BCL2: variants seen among roughly 807,000 people sequenced by gnomAD.
BCL2 encodes the protein BCL2 apoptosis regulator.
In BCL2, 1 loss-of-function variant was observed where a neutral mutation model predicts 14.2. That is an observed-to-expected ratio of 0.07 (90% CI 0.02 to 0.33). BCL2 has a LOEUF of 0.33. Among genes scored for constraint, BCL2 ranks in the 10% least tolerant of loss-of-function variants. The probability of loss-of-function intolerance (pLI) is 0.99; values close to 1 mark genes in which losing one functional copy is unlikely to be tolerated. For synonymous variants in BCL2, 151 were observed against 137.2 expected (o/e 1.10, Z -0.70); for missense variants, 247 against 305.9 (o/e 0.81, Z 1.44).
At chr18:63,216,856 T>C (rs1292417369) in intron 2 of BCL2, among the ~76,000 whole-genome samples, 1 of 152,200 alleles carries the variant, frequency 6.6e-6, no homozygotes, top group Non-Finnish European at 1.5e-5. Flanking sequence ...CTACGATCCA[T>C]GTTAGGATAA....
intron 2 of BCL2, among the ~76,000 whole-genome samples, chr18:63,289,280 A>T (rs974002908): frequency 6.6e-6 from 1 of 152,228 alleles, no homozygotes; most frequent in Middle Eastern, 3.2e-3. Flanking sequence ...GCACAAAAAA[A>T]AAGAAAAAGG....
intron 2 of BCL2, among the ~76,000 whole-genome samples, chr18:63,156,649 T>A (rs1180495960): frequency 6.6e-6 from 1 of 152,192 alleles, no homozygotes; most frequent in Non-Finnish European, 1.5e-5. Flanking sequence ...GATGTTTACG[T>A]AAACAGAAAC....
chr18:63,169,307 T>TCTTCCTTC (rs1555697336), intron 2 of BCL2, among the ~76,000 whole-genome samples: 14 of 73,994 alleles, frequency 1.9e-4, no homozygotes, highest in African/African-American at 3.8e-4. Flanking sequence ...TTTCTTTCTT[T>TCTTCCTTC]CTTCCTTCCT....
chr18:63,259,657 C>T (rs1044191289), intron 2 of BCL2, among the ~76,000 whole-genome samples: 1 of 152,206 alleles, frequency 6.6e-6, no homozygotes, highest in African/African-American at 2.4e-5. Flanking sequence ...TACCCACCTA[C>T]GTGGTTATCA....
At chr18:63,160,557 G>T (rs1277781459) in intron 2 of BCL2, among the ~76,000 whole-genome samples, 1 of 152,134 alleles carries the variant, frequency 6.6e-6, no homozygotes, top group Non-Finnish European at 1.5e-5. Context: ...TTTCAACACC[G>T]AGAGGAGTTC....
At chr18:63,235,837 T>C (rs181075642) in intron 2 of BCL2, among the ~76,000 whole-genome samples, 1 of 151,774 alleles carries the variant, frequency 6.6e-6, no homozygotes, top group Admixed American at 6.6e-5. Context: ...TCACCATGCA[T>C]GGTTTTATCT....
At chr18:63,179,206 C>T (rs930852019) in intron 2 of BCL2, among the ~76,000 whole-genome samples, 2 of 152,152 alleles carry the variant, frequency 1.3e-5, no homozygotes, top group Admixed American at 6.5e-5. Flanking sequence ...GGTCCACCCA[C>T]CCCTGAACAT....
At chr18:63,190,400 T>G (rs1446254499) in intron 2 of BCL2, among the ~76,000 whole-genome samples, 1 of 152,214 alleles carries the variant, frequency 6.6e-6, no homozygotes, top group South Asian at 2.1e-4. Context: ...AAGGTCAGGT[T>G]TTTGAAACTT....
rs568015090 is a variant in BCL2 at position 63,170,663 on chromosome 18, C to T, written c.586-41904G>A. On this transcript the variant is annotated intron_variant, in intron 2 of 2. Transcript: ENST00000333681. Reference sequence around the variant, plus strand: ...TTTCATTATCCTTCTGCAAATTTTCCTTGTGTCTGCCCTTTATATGTGCTC... The same window carrying T: ...TTTCATTATCCTTCTGCAAATTTTCTTTGTGTCTGCCCTTTATATGTGCTC... Among the ~76,000 whole-genome samples, 6 of 152,316 alleles carry T rather than the reference C, an allele frequency of 3.9e-5. No individual in the cohort carries two copies. In the East Asian group the frequency reaches 9.6e-4, roughly 24 times the overall value.
chr18:63,240,856 A>T (rs1910980958), intron 2 of BCL2, among the ~76,000 whole-genome samples: 1 of 152,266 alleles, frequency 6.6e-6, no homozygotes, highest in Non-Finnish European at 1.5e-5. Context: ...CTTGGAAATT[A>T]GAGACTGATG....
At chr18:63,194,281 C>A (rs1206058957) in intron 2 of BCL2, among the ~76,000 whole-genome samples, 2 of 151,832 alleles carry the variant, frequency 1.3e-5, no homozygotes, top group Non-Finnish European at 2.9e-5. Flanking sequence ...AGTCAAATAT[C>A]TTAGCAGAAT....
chr18:63,249,912 G>A (rs1911260228), intron 2 of BCL2, among the ~76,000 whole-genome samples: 1 of 152,046 alleles, frequency 6.6e-6, no homozygotes. Context: ...CAGTGTGGAA[G>A]GAAAGGGAAG....
intron 2 of BCL2, chr18:63,315,784 T>G (rs1270748623): frequency 6.6e-6 from 1 of 152,246 alleles, no homozygotes; most frequent in Non-Finnish European, 1.5e-5. Context: ...ACATTTGAAA[T>G]GATAGGCAAA....
intron 2 of BCL2, among the ~76,000 whole-genome samples, chr18:63,289,446 A>C (rs1363684827): frequency 6.6e-6 from 1 of 152,208 alleles, no homozygotes; most frequent in African/African-American, 2.4e-5. Context: ...AAAGATCCCC[A>C]GAACAGAGAA....
At chr18:63,235,825 T>C (rs1343687253) in intron 2 of BCL2, among the ~76,000 whole-genome samples, 1 of 151,624 alleles carries the variant, frequency 6.6e-6, no homozygotes, top group Non-Finnish European at 1.5e-5. Flanking sequence ...CAATGCTCAT[T>C]ATCACCATGC....
chr18:63,215,509 T>C (rs977098765), intron 2 of BCL2, among the ~76,000 whole-genome samples: 2 of 152,118 alleles, frequency 1.3e-5, no homozygotes, highest in Non-Finnish European at 2.9e-5. Flanking sequence ...CTGATTTGTA[T>C]AAAAAACAAT....
At chr18:63,283,303 G>A (rs758227820) in intron 2 of BCL2, among the ~76,000 whole-genome samples, 36 of 152,028 alleles carry the variant, frequency 2.4e-4, no homozygotes, top group Admixed American at 1.4e-3. Context: ...CACCTCTACG[G>A]GTCTTTGGTT....
At chr18:63,191,135 C>T (rs760294800) in intron 2 of BCL2, among the ~76,000 whole-genome samples, 10 of 152,136 alleles carry the variant, frequency 6.6e-5, no homozygotes, top group African/African-American at 2.2e-4. Flanking sequence ...CATGTCTTTG[C>T]GATTGTGAAT....
intron 2 of BCL2, among the ~76,000 whole-genome samples, chr18:63,168,948 C>T (rs561916300): frequency 7.8e-4 from 119 of 152,352 alleles, no homozygotes; most frequent in Non-Finnish European, 1.3e-3. Flanking sequence ...GCTCAGCGGT[C>T]ATCTGTCTTT....
Sources: gnomAD v4.1 joint callset for allele counts (sites outside exome capture counted in the v4.1 genomes callset) on GRCh38, gnomAD v4.1.1 for gene constraint, MANE v1.5 for transcripts, NCBI Gene and HGNC (gene_info 2026-07-23, HGNC 2026-07-21) for gene names.